Variants in ATRNL1 observed in about 807,000 individuals in gnomAD.
ATRNL1 encodes the protein attractin like 1.
In ATRNL1, 95 loss-of-function variants were observed where a neutral mutation model predicts 182.7. The observed-to-expected ratio is 0.52, with a 90% confidence interval of 0.44 to 0.62. The LOEUF (loss-of-function observed/expected upper bound fraction) is 0.62. Ranked by LOEUF, ATRNL1 falls within the 20% of genes least tolerant of loss-of-function variation. The pLI, the probability that ATRNL1 is intolerant of heterozygous loss-of-function variation, is 0.00. For missense variants in ATRNL1, 1,471 were observed against 1,679.5 expected (o/e 0.88, Z 2.17); for synonymous variants, 576 against 568.3 (o/e 1.01, Z -0.19).
chr10:115,181,022 CA>C (rs1335278523), intron 8 of ATRNL1, among the ~76,000 whole-genome samples: 1 of 151,766 alleles, frequency 6.6e-6, no homozygotes, highest in African/African-American at 2.4e-5. Flanking sequence ...ACCTGATTTA[CA>C]AAAACAATTG....
At chr10:115,531,595 G>C (rs1851586812) in intron 25 of ATRNL1, among the ~76,000 whole-genome samples, 1 of 150,028 alleles carries the variant, frequency 6.7e-6, no homozygotes, top group African/African-American at 2.4e-5. Context: ...TCACTCTGAT[G>C]GTAGTTTCTT....
intron 10 of ATRNL1, among the ~76,000 whole-genome samples, chr10:115,256,451 G>A (rs1256369282): frequency 6.6e-6 from 1 of 151,982 alleles, no homozygotes; most frequent in Non-Finnish European, 1.5e-5. Flanking sequence ...TTCTCTGATG[G>A]TAGTTTGTAT....
intron 17 of ATRNL1, among the ~76,000 whole-genome samples, chr10:115,309,375 T>C (rs1478578665): frequency 6.6e-6 from 1 of 152,144 alleles, no homozygotes; most frequent in Non-Finnish European, 1.5e-5. Flanking sequence ...AGTATGATTA[T>C]TCTCATGATA....
At chr10:115,248,873 T>C (rs1850754230) in intron 10 of ATRNL1, among the ~76,000 whole-genome samples, 1 of 152,198 alleles carries the variant, frequency 6.6e-6, no homozygotes, top group African/African-American at 2.4e-5. Context: ...AGTTTTGAAA[T>C]GGCTAATATA....
At chr10:115,624,646 G>C (rs1440894350) in intron 26 of ATRNL1, among the ~76,000 whole-genome samples, 1 of 152,112 alleles carries the variant, frequency 6.6e-6, no homozygotes, top group African/African-American at 2.4e-5. Flanking sequence ...GCCATGATGA[G>C]AGTGTTTGCA....
At chr10:115,619,600 CT>C (rs1371698749) in intron 26 of ATRNL1, among the ~76,000 whole-genome samples, 1 of 152,190 alleles carries the variant, frequency 6.6e-6, no homozygotes, top group Admixed American at 6.5e-5. Context: ...TGCTGTGATA[CT>C]TTTGTAATAT....
chr10:115,098,325 T>TAA (rs2085066866), intron 1 of ATRNL1, among the ~76,000 whole-genome samples: 1 of 152,076 alleles, frequency 6.6e-6, no homozygotes, highest in African/African-American at 2.4e-5. Context: ...CTTTTGAAGT[T>TAA]CCTTGAAAGT....
At chr10:115,451,686 G>A (rs1554967679) in intron 21 of ATRNL1, among the ~76,000 whole-genome samples, 3 of 152,138 alleles carry the variant, frequency 2.0e-5, no homozygotes, top group Non-Finnish European at 4.4e-5. Flanking sequence ...TTCACCCATT[G>A]TGGAAAGCAG....
intron 1 of ATRNL1, among the ~76,000 whole-genome samples, chr10:115,105,173 C>T (rs1843949550): frequency 6.6e-6 from 1 of 152,078 alleles, no homozygotes; most frequent in Non-Finnish European, 1.5e-5. Flanking sequence ...ATTGATTCTT[C>T]CAATCCATGA....
intron 26 of ATRNL1, among the ~76,000 whole-genome samples, chr10:115,684,905 T>C (rs1279494821): frequency 6.6e-6 from 1 of 151,766 alleles, no homozygotes; most frequent in Non-Finnish European, 1.5e-5. Context: ...GTTAATTTAA[T>C]TGATTTGTGG....
intron 26 of ATRNL1, among the ~76,000 whole-genome samples, chr10:115,605,401 T>C (rs147842094): frequency 1.5e-3 from 234 of 152,230 alleles, no homozygotes; most frequent in African/African-American, 5.4e-3. Flanking sequence ...ACATGACAAC[T>C]AATAATAGAA....
At chr10:115,445,511 G>A (rs1373167569) in intron 21 of ATRNL1, among the ~76,000 whole-genome samples, 52 of 66,038 alleles carry the variant, frequency 7.9e-4, no homozygotes, top group African/African-American at 3.0e-3. Context: ...TTGTCCGTGT[G>A]TGTGTGTGTG....
chr10:115,550,050 A>T (rs1419680870), intron 26 of ATRNL1, among the ~76,000 whole-genome samples: 3 of 151,776 alleles, frequency 2.0e-5, no homozygotes, highest in Admixed American at 6.6e-5. Flanking sequence ...AAATTTCTGT[A>T]TTAGAATTAT....
chr10:115,865,108 T>A (rs916800440), intron 28 of ATRNL1, among the ~76,000 whole-genome samples: 1 of 152,036 alleles, frequency 6.6e-6, no homozygotes, highest in African/African-American at 2.4e-5. Flanking sequence ...AAATAATACA[T>A]TGGAGTCTAA....
At chr10:115,488,116 C>G (rs1302338944) in intron 24 of ATRNL1, among the ~76,000 whole-genome samples, 1 of 152,048 alleles carries the variant, frequency 6.6e-6, no homozygotes, top group Non-Finnish European at 1.5e-5. Context: ...CTGCTGGATT[C>G]AATTTGCCGG....
intron 26 of ATRNL1, among the ~76,000 whole-genome samples, chr10:115,682,169 C>G (rs568595580): frequency 1.1e-4 from 17 of 152,264 alleles, no homozygotes; most frequent in African/African-American, 4.1e-4. Context: ...CACCCTAGCT[C>G]CACAACTTAC....
intron 26 of ATRNL1, among the ~76,000 whole-genome samples, chr10:115,644,607 G>T (rs1465913328): frequency 1.3e-5 from 2 of 152,142 alleles, no homozygotes; most frequent in Non-Finnish European, 2.9e-5. Flanking sequence ...CTCCTCTTAA[G>T]ATTTGCTAGA....
At chr10:115,776,949 G>A (rs1479983151) in intron 27 of ATRNL1, among the ~76,000 whole-genome samples, 1 of 152,112 alleles carries the variant, frequency 6.6e-6, no homozygotes, top group African/African-American at 2.4e-5. Flanking sequence ...TTGAGGCCAG[G>A]AGTTCTTCTC....
At chr10:115,419,206 T>C (rs1845542670) in intron 20 of ATRNL1, among the ~76,000 whole-genome samples, 1 of 152,320 alleles carries the variant, frequency 6.6e-6, no homozygotes, top group African/African-American at 2.4e-5. Context: ...TAAGTTTTTA[T>C]TGGTTTAAAA....
Sources: allele counts gnomAD v4.1 joint callset (sites outside exome capture counted in the v4.1 genomes callset), GRCh38; gene constraint gnomAD v4.1.1; transcripts MANE v1.5; gene names NCBI Gene and HGNC (gene_info 2026-07-23, HGNC 2026-07-21).